ACP1: variants seen among roughly 807,000 people sequenced by gnomAD.
The protein encoded by ACP1 is acid phosphatase 1, also known as low molecular weight phosphotyrosine protein phosphatase.
In ACP1, 23 loss-of-function variants were observed where a neutral mutation model predicts 23.4. That is an observed-to-expected ratio of 0.98 (90% confidence interval 0.71 to 1.39). The LOEUF (loss-of-function observed/expected upper bound fraction) is 1.39, where lower values mean the gene tolerates loss of function less well. Ranked by LOEUF, ACP1 falls within the 40% of genes most tolerant of loss-of-function variation. The probability of loss-of-function intolerance (pLI) is 0.00; values close to 1 mark genes in which losing one functional copy is unlikely to be tolerated. For synonymous variants in ACP1, 72 were observed against 67.2 expected (o/e 1.07, Z -0.35); for missense variants, 180 against 197.7 (o/e 0.91, Z 0.54).
At chr2:267,458 G>T (rs1438104768) in intron 1 of ACP1, among the ~76,000 whole-genome samples, 1 of 152,204 alleles carries the variant, frequency 6.6e-6, no homozygotes, top group Non-Finnish European at 1.5e-5. Context: ...GGCCCCACCT[G>T]ATAGATGACT....
At position 277,091 on chromosome 2, in the gene ACP1, T is replaced by C; in HGVS notation, c.399+6T>C. The stretch of plus-strand genomic sequence containing the variant: ...TTATTGAAGATCCCTATTATGTAAG[T>C]ACAGTTCACGTTTTAGGGCTAATAT... On this transcript the variant is annotated splice_donor_region_variant and intron_variant, in intron 5 of 5. Coordinates refer to ENST00000272065, the MANE Select transcript of ACP1 (RefSeq NM_004300.4). 2 of 1,602,642 alleles carry C rather than the reference T, an allele frequency of 1.2e-6. No homozygotes were observed. Among genetic ancestry groups the C allele is most frequent in the Non-Finnish European group, 1.7e-6 (2 of 1,169,606 alleles).
chr2:275,419 C>G (rs368979605), intron 4 of ACP1: 249 of 330,640 alleles, frequency 7.5e-4, no homozygotes, highest in Middle Eastern at 5.2e-3. Context: ...AAGGGAAAGT[C>G]TAGTTGTTAA....
In ACP1 at chr2:273,616, T is replaced by A. The variant is rs898645683; in HGVS notation, c.231+1466T>A. ...CTGTCTCTGCAGCACTGGTTTTTTATATGGCGTTTCTAGTTGTTTTTAGTA... is the reference window on the plus strand; with the variant it reads ...CTGTCTCTGCAGCACTGGTTTTTTAAATGGCGTTTCTAGTTGTTTTTAGTA... On this transcript the variant is annotated intron_variant, in intron 3 of 5. Coordinates refer to ENST00000272065, the MANE Select transcript of ACP1 (RefSeq NM_004300.4). 2.0e-5 allele frequency among the ~76,000 whole-genome samples: 3 copies of A among 152,220 alleles called. No homozygotes were observed. In the East Asian group the frequency reaches 5.8e-4, roughly 29 times the overall value.
intron 1 of ACP1, among the ~76,000 whole-genome samples, chr2:266,661 A>C (rs1481207582): frequency 6.6e-6 from 1 of 152,234 alleles, no homozygotes; most frequent in Non-Finnish European, 1.5e-5. Context: ...TTAACTAAGC[A>C]TTTAAAACTG....
intron 1 of ACP1, among the ~76,000 whole-genome samples, chr2:268,524 A>G (rs1340138068): frequency 6.6e-6 from 1 of 152,158 alleles, no homozygotes; most frequent in Non-Finnish European, 1.5e-5. Context: ...TGGTGGAGAT[A>G]GCACATGCTG....
In ACP1 at chr2:272,092, A is replaced by G; in HGVS notation, c.173A>G (p.Tyr58Cys). The G allele has an allele frequency of 1.2e-6, 2 of 1,613,964 alleles. No individual in the cohort carries two copies. Among genetic ancestry groups the G allele is most frequent in the Non-Finnish European group, 1.7e-6 (2 of 1,180,036 alleles). Residue 58 changes from tyrosine to cysteine, a missense_variant, in exon 3 of 6, where the codon TAC becomes TGC. Tyr to Cys is a radical substitution (Grantham distance 194). Around this residue, in one of 3 missense-constraint regions of ACP1, gnomAD observed 132 missense variants for 124.1 expected, o/e 1.06. Coordinates refer to ENST00000272065, the MANE Select transcript of ACP1 (RefSeq NM_004300.4). The part of the protein sequence containing the change: ...SGYEIGNPPD[Y>C]RGQSCMKRHG... ...TATGAGATAGGGAACCCCCCTGACT[A>G]CCGAGGGCAGAGCTGCATGAAGAGG...
intron 1 of ACP1, among the ~76,000 whole-genome samples, chr2:265,853 A>G (rs917418608): frequency 1.3e-5 from 2 of 152,204 alleles, no homozygotes; most frequent in Non-Finnish European, 2.9e-5. Flanking sequence ...CCCTCGGGAC[A>G]CTGCCTTCCA....
Position 277,527 on chromosome 2 carries a change from G to A in ACP1, c.*223G>A. 3.5e-6 allele frequency: 2 copies of A among 571,960 alleles called. No homozygotes were observed. The highest frequency in any genetic ancestry group is 6.3e-6 in the Non-Finnish European group (2 of 319,146). 35.4% of individuals were successfully genotyped at this position (571,960 alleles called of 1,614,324 possible). ...TCAGACAGCTTATGGGGTATTTTAA[G>A]CATTCTTAGACTAGTTGAACATCTC... On this transcript the variant is annotated 3_prime_UTR_variant, in exon 6 of 6. Coordinates refer to ENST00000272065, the MANE Select transcript of ACP1 (RefSeq NM_004300.4).
At chr2:270,859 T>TTGTC (rs1460661075) in intron 1 of ACP1, among the ~76,000 whole-genome samples, 4 of 151,138 alleles carry the variant, frequency 2.6e-5, no homozygotes, top group Non-Finnish European at 5.9e-5. Context: ...TTTTGTTTGT[T>TTGTC]TGTTTGTTTT....
At chr2:271,998 CAA>C (rs34887991) in intron 2 of ACP1, 37 bp from the exon 3 acceptor site, 62,031 of 1,389,610 alleles carry the variant, frequency 0.045, no homozygotes, top group South Asian at 0.091. Context: ...CAGGAAATTG[CAA>C]AAAAAAAAAA....
At chr2:265,899 A>T (rs966007352) in intron 1 of ACP1, among the ~76,000 whole-genome samples, 2 of 152,200 alleles carry the variant, frequency 1.3e-5, no homozygotes, top group African/African-American at 2.4e-5. Context: ...TCACATGCTT[A>T]CTGAGCCTTC....
At chr2:267,227 AT>A (rs964339696) in intron 1 of ACP1, among the ~76,000 whole-genome samples, 1 of 152,200 alleles carries the variant, frequency 6.6e-6, no homozygotes, top group Non-Finnish European at 1.5e-5. Context: ...CAATTCAGTG[AT>A]TTTTTGTTGT....
chr2:272,436 A>C (rs1670072040), intron 3 of ACP1: 1 of 1,449,418 alleles, frequency 6.9e-7, no homozygotes, highest in Non-Finnish European at 9.1e-7. Flanking sequence ...TGGTGTGTCC[A>C]TTTTGTTTCA....
At position 278,234 on chromosome 2, in the gene ACP1, A is replaced by C. The variant is rs570309963; in HGVS notation, c.*930A>C. 6.6e-6 allele frequency: 1 copy of C among 152,372 alleles called. No homozygotes were observed. The highest frequency in any genetic ancestry group is 2.1e-4 in the South Asian group (1 of 4,830). The allele number at this position is 152,372 out of a possible 1,614,324, so 9.4% of individuals were successfully genotyped here. A position where few individuals can be genotyped will look rare whatever the true frequency, so the allele number is the denominator to read the frequency against. On this transcript the variant is annotated 3_prime_UTR_variant, in exon 6 of 6. Coordinates refer to ENST00000272065, the MANE Select transcript of ACP1 (RefSeq NM_004300.4). ...TTTTGAGATAATGTCAAAATCATGA[A>C]TATTTCAAAATAAACTGGGGAGTTA...
chr2:274,545 G>C (rs1670122433), intron 3 of ACP1: 1 of 152,194 alleles, frequency 6.6e-6, no homozygotes, highest in Non-Finnish European at 1.5e-5. Flanking sequence ...AATAAAGGAG[G>C]ACTGTCAGTT....
chr2:267,589 C>T (rs113656970), intron 1 of ACP1, among the ~76,000 whole-genome samples: 14 of 152,276 alleles, frequency 9.2e-5, no homozygotes, highest in African/African-American at 3.1e-4. Context: ...GGTCATGAAC[C>T]GCAGGGAAGC....
At chr2:275,349 C>A in intron 4 of ACP1, 148 bp downstream of exon 4, 1 of 420,122 alleles carries the variant, frequency 2.4e-6, no homozygotes, top group Non-Finnish European at 4.3e-6. Context: ...TTTAGAACAG[C>A]AAAAAACTTA....
intron 1 of ACP1, among the ~76,000 whole-genome samples, chr2:271,140 T>C (rs1429382457): frequency 6.6e-6 from 1 of 152,180 alleles, no homozygotes; most frequent in Non-Finnish European, 1.5e-5. Context: ...GTTGAATCGC[T>C]GTTTATGCTT....
At chr2:267,371 G>T (rs902566978) in intron 1 of ACP1, among the ~76,000 whole-genome samples, 5 of 152,192 alleles carry the variant, frequency 3.3e-5, no homozygotes, top group Admixed American at 2.0e-4. Flanking sequence ...TCAATCGGTT[G>T]ATGTGAAGAT....
Sources: gnomAD v4.1 joint callset for allele counts (sites outside exome capture counted in the v4.1 genomes callset) on GRCh38, gnomAD v4.1.1 for gene constraint, gnomAD v4.1.1 regional missense constraint, MANE v1.5 for transcripts, NCBI Gene and HGNC (gene_info 2026-07-23, HGNC 2026-07-21) for gene names.